Variants in NKAIN3 observed in about 807,000 individuals in gnomAD.
The protein encoded by NKAIN3 is sodium/potassium-transporting ATPase subunit beta-1-interacting protein 3.
In NKAIN3, 25 loss-of-function variants were observed where a neutral mutation model predicts 30.2. The observed-to-expected ratio is 0.83, with a 90% CI of 0.60 to 1.16. The LOEUF (loss-of-function observed/expected upper bound fraction) is 1.16. Among genes scored for constraint, NKAIN3 ranks in the 50% most tolerant of loss-of-function variants. The pLI is 0.00. For missense variants in NKAIN3, 225 were observed against 254.1 expected (o/e 0.89, Z 0.78); for synonymous variants, 91 against 89.6 (o/e 1.02, Z -0.09).
chr8:62,778,400 G>A (rs1398554034), intron 4 of NKAIN3, among the ~76,000 whole-genome samples: 2 of 152,116 alleles, frequency 1.3e-5, no homozygotes, highest in East Asian at 1.9e-4. Flanking sequence ...CAGCTGAGCT[G>A]GCACTGAAGC....
At position 62,312,520 on chromosome 8, in the gene NKAIN3, T is replaced by G. The variant is rs147410766; in HGVS notation, c.54+63393T>G. ...TCAGCATGACTTTTACTTACACAAT[T>G]TAAAAGGTGTGGTGGGGCCAGGTGC... is the stretch of plus-strand genomic sequence containing the variant. On this transcript the variant is annotated intron_variant, in intron 1 of 6. Coordinates refer to ENST00000623646, the MANE Select transcript of NKAIN3 (RefSeq NM_001304533.3). 1.3e-5 allele frequency among the ~76,000 whole-genome samples: 2 copies of G among 150,522 alleles called. 1 individual carries two copies. Among genetic ancestry groups the G allele is most frequent in the African/African-American group, 5.0e-5 (2 of 39,882 alleles).
intron 1 of NKAIN3, among the ~76,000 whole-genome samples, chr8:62,479,738 G>A (rs1418260070): frequency 6.6e-6 from 1 of 152,124 alleles, no homozygotes; most frequent in East Asian, 1.9e-4. Flanking sequence ...ACGGCTGTTA[G>A]GAGAAGAGAT....
At chr8:62,835,207 C>A (rs1336391953) in intron 4 of NKAIN3, among the ~76,000 whole-genome samples, 1 of 152,030 alleles carries the variant, frequency 6.6e-6, no homozygotes. Context: ...AGACCTTAAC[C>A]TATAAAAATC....
At chr8:62,502,966 C>T (rs1450568730) in intron 1 of NKAIN3, among the ~76,000 whole-genome samples, 1 of 152,100 alleles carries the variant, frequency 6.6e-6, no homozygotes, top group African/African-American at 2.4e-5. Flanking sequence ...GTCCCCAACC[C>T]CTGGGCCACA....
intron 1 of NKAIN3, among the ~76,000 whole-genome samples, chr8:62,261,300 A>C (rs1408055232): frequency 6.6e-6 from 1 of 152,006 alleles, no homozygotes; most frequent in African/African-American, 2.4e-5. Flanking sequence ...CTTTGGTTTT[A>C]ATAATAGCTT....
At chr8:62,901,075 C>T (rs974353792) in intron 4 of NKAIN3, among the ~76,000 whole-genome samples, 14 of 152,162 alleles carry the variant, frequency 9.2e-5, no homozygotes, top group African/African-American at 3.4e-4. Flanking sequence ...AGAGAAAAGA[C>T]ACAAAATCTC....
chr8:62,563,257 TG>T (rs1809645675), intron 1 of NKAIN3, among the ~76,000 whole-genome samples: 1 of 152,152 alleles, frequency 6.6e-6, no homozygotes, highest in East Asian at 1.9e-4. Flanking sequence ...AGTTAGGTTT[TG>T]GGACAATTTT....
intron 4 of NKAIN3, among the ~76,000 whole-genome samples, chr8:62,754,577 A>T (rs1239874319): frequency 6.6e-6 from 1 of 152,174 alleles, no homozygotes; most frequent in African/African-American, 2.4e-5. Context: ...TTCTTTAACA[A>T]ACCTTTGGAG....
At chr8:62,381,949 G>T (rs1244571570) in intron 1 of NKAIN3, among the ~76,000 whole-genome samples, 1 of 152,088 alleles carries the variant, frequency 6.6e-6, no homozygotes, top group Admixed American at 6.6e-5. Flanking sequence ...AATCCTCCTT[G>T]CTCCTTCTAC....
chr8:62,606,258 G>A (rs766406708), intron 3 of NKAIN3, among the ~76,000 whole-genome samples: 10 of 151,998 alleles, frequency 6.6e-5, no homozygotes, highest in Non-Finnish European at 1.2e-4. Flanking sequence ...GGGAGGTATC[G>A]AGTTACAGAT....
chr8:62,694,017 G>A (rs1586096847), intron 3 of NKAIN3, among the ~76,000 whole-genome samples: 2 of 152,126 alleles, frequency 1.3e-5, no homozygotes, highest in Non-Finnish European at 2.9e-5. Flanking sequence ...TTTGATATGT[G>A]TATAATATGA....
intron 3 of NKAIN3, among the ~76,000 whole-genome samples, chr8:62,727,445 T>A (rs1159702009): frequency 6.6e-6 from 1 of 152,008 alleles, no homozygotes; most frequent in Non-Finnish European, 1.5e-5. Flanking sequence ...ATGTAGAAGA[T>A]CAACAAAAAC....
chr8:62,300,771 T>C (rs962707589), intron 1 of NKAIN3, among the ~76,000 whole-genome samples: 1 of 152,200 alleles, frequency 6.6e-6, no homozygotes, highest in Non-Finnish European at 1.5e-5. Context: ...TTTTCTTTTG[T>C]GGAGCAGTGA....
intron 4 of NKAIN3, among the ~76,000 whole-genome samples, chr8:62,889,204 A>G (rs1214239720): frequency 6.6e-6 from 1 of 152,008 alleles, no homozygotes; most frequent in Non-Finnish European, 1.5e-5. Flanking sequence ...CCCTGTCTCT[A>G]CTAAAAATGC....
At chr8:62,404,266 C>G (rs1563383129) in intron 1 of NKAIN3, among the ~76,000 whole-genome samples, 1 of 152,072 alleles carries the variant, frequency 6.6e-6, no homozygotes, top group Non-Finnish European at 1.5e-5. Context: ...TGAGTTAATG[C>G]TGGAATAAGA....
chr8:62,656,577 A>C (rs1200746196), intron 3 of NKAIN3, among the ~76,000 whole-genome samples: 1 of 152,210 alleles, frequency 6.6e-6, no homozygotes, highest in Non-Finnish European at 1.5e-5. Context: ...TGTAAATTAG[A>C]GCTTCACTTT....
At chr8:62,264,152 G>GA (rs1812536507) in intron 1 of NKAIN3, among the ~76,000 whole-genome samples, 1 of 152,120 alleles carries the variant, frequency 6.6e-6, no homozygotes, top group Non-Finnish European at 1.5e-5. Context: ...AGTTCAGAAG[G>GA]AAAAATGAGG....
intron 1 of NKAIN3, among the ~76,000 whole-genome samples, chr8:62,319,612 G>C (rs2129589282): frequency 6.6e-6 from 1 of 152,288 alleles, no homozygotes; most frequent in East Asian, 1.9e-4. Context: ...TCAGGAGCAG[G>C]TTGTTCAGTT....
At chr8:62,481,204 C>T (rs545148878) in intron 1 of NKAIN3, among the ~76,000 whole-genome samples, 2 of 152,024 alleles carry the variant, frequency 1.3e-5, no homozygotes, top group Non-Finnish European at 2.9e-5. Flanking sequence ...TCAAAGTATC[C>T]TTTGCATCAT....
Sources: gnomAD v4.1 joint callset for allele counts (sites outside exome capture counted in the v4.1 genomes callset) on GRCh38, gnomAD v4.1.1 for gene constraint, MANE v1.5 for transcripts, NCBI Gene and HGNC (gene_info 2026-07-23, HGNC 2026-07-21) for gene names.